The following ERC2 variants were observed in gnomAD, a reference collection of about 807,000 sequenced individuals.
ERC2 encodes ERC protein 2.
A neutral mutation model predicts 114.8 loss-of-function variants in ERC2; 42 were observed. The ratio of observed to expected loss-of-function variants is 0.37; its 90% CI spans 0.29 to 0.47. The LOEUF (loss-of-function observed/expected upper bound fraction) is 0.47. ERC2 is among the 20% of genes least tolerant of loss of function. The pLI is 0.99. For synonymous variants in ERC2, 454 were observed against 425.5 expected, an observed-to-expected ratio of 1.07 and a Z score of -0.82; for missense variants, 939 against 1,150.7, an observed-to-expected ratio of 0.82 and a Z score of 2.66.
intron 17 of ERC2, among the ~76,000 whole-genome samples, chr3:55,681,883 T>C (rs2062071925): frequency 1.3e-5 from 2 of 152,150 alleles, no homozygotes; most frequent in African/African-American, 4.8e-5. Flanking sequence ...CAGGGTGTCA[T>C]GAATCTTGTG....
chr3:55,624,488 G>A (rs1043488223), intron 17 of ERC2, among the ~76,000 whole-genome samples: 1 of 152,198 alleles, frequency 6.6e-6, no homozygotes, highest in East Asian at 1.9e-4. Flanking sequence ...CCAGACTGGT[G>A]CTGAGAGGAC....
intron 6 of ERC2, among the ~76,000 whole-genome samples, chr3:56,102,788 T>C (rs1417934195): frequency 6.6e-6 from 1 of 152,208 alleles, no homozygotes; most frequent in East Asian, 1.9e-4. Flanking sequence ...CCCACTGATG[T>C]TGATAAGTAG....
At chr3:55,806,212 G>A (rs575535743) in intron 14 of ERC2, among the ~76,000 whole-genome samples, 38 of 152,008 alleles carry the variant, frequency 2.5e-4, no homozygotes, top group Non-Finnish European at 4.4e-4. Flanking sequence ...GCATGTGCCT[G>A]TAATCCCAGC....
chr3:56,260,898 T>C (rs2150260592), intron 3 of ERC2, among the ~76,000 whole-genome samples: 1 of 152,314 alleles, frequency 6.6e-6, no homozygotes, highest in East Asian at 1.9e-4. Flanking sequence ...TCTCACAAAA[T>C]CTTTCTCTAA....
At chr3:56,115,883 C>CCA (rs764250271) in intron 6 of ERC2, among the ~76,000 whole-genome samples, 3 of 152,138 alleles carry the variant, frequency 2.0e-5, no homozygotes, top group Non-Finnish European at 4.4e-5. Context: ...ACACTGAAGG[C>CCA]CACCCTCCCC....
intron 14 of ERC2, among the ~76,000 whole-genome samples, chr3:55,754,533 T>C (rs1344553301): frequency 1.8e-5 from 1 of 54,616 alleles, no homozygotes; most frequent in Non-Finnish European, 5.6e-5. Flanking sequence ...TAGCAAAATG[T>C]CATTATAAAT....
intron 1 of ERC2, among the ~76,000 whole-genome samples, chr3:56,436,620 T>C (rs2062031717): frequency 6.6e-6 from 1 of 151,902 alleles, no homozygotes; most frequent in African/African-American, 2.4e-5. Flanking sequence ...GTGCAAGGGG[T>C]GAGAACATGA....
At chr3:55,822,424 T>A (rs1171186856) in intron 14 of ERC2, among the ~76,000 whole-genome samples, 1 of 152,184 alleles carries the variant, frequency 6.6e-6, no homozygotes, top group Non-Finnish European at 1.5e-5. Flanking sequence ...AATTAAATTA[T>A]CTTGTTTTAT....
chr3:55,640,864 C>A (rs947326268), intron 17 of ERC2, among the ~76,000 whole-genome samples: 9 of 152,130 alleles, frequency 5.9e-5, no homozygotes, highest in Non-Finnish European at 1.2e-4. Context: ...TTTGATTTTT[C>A]TTTTGGGGAC....
At chr3:56,033,245 A>C (rs894302734) in intron 7 of ERC2, among the ~76,000 whole-genome samples, 5 of 152,146 alleles carry the variant, frequency 3.3e-5, no homozygotes, top group African/African-American at 1.2e-4. Flanking sequence ...GGAAAAAAGA[A>C]AAATTAGCTG....
intron 6 of ERC2, among the ~76,000 whole-genome samples, chr3:56,087,479 G>A (rs1219140738): frequency 2.6e-5 from 4 of 151,934 alleles, no homozygotes; most frequent in East Asian, 1.9e-4. Flanking sequence ...TTTTATGTGC[G>A]CCTTCAGAAA....
At chr3:55,733,968 G>A (rs2065465004) in intron 15 of ERC2, among the ~76,000 whole-genome samples, 1 of 152,196 alleles carries the variant, frequency 6.6e-6, no homozygotes, top group South Asian at 2.1e-4. Flanking sequence ...TTCAATCATT[G>A]CTTACAAGAG....
intron 7 of ERC2, among the ~76,000 whole-genome samples, chr3:56,034,814 T>C (rs933434635): frequency 6.6e-6 from 1 of 151,940 alleles, no homozygotes; most frequent in Non-Finnish European, 1.5e-5. Flanking sequence ...GTAGGGGACA[T>C]GGCAAAAGCA....
intron 7 of ERC2, among the ~76,000 whole-genome samples, chr3:56,066,050 T>C (rs1396570947): frequency 6.6e-6 from 1 of 152,168 alleles, no homozygotes; most frequent in Non-Finnish European, 1.5e-5. Context: ...TTATATTCCT[T>C]TGGGTATATA....
At chr3:56,430,243 C>T (rs1559491708) in intron 2 of ERC2, among the ~76,000 whole-genome samples, 1 of 152,104 alleles carries the variant, frequency 6.6e-6, no homozygotes, top group Non-Finnish European at 1.5e-5. Context: ...ATCAAATGTC[C>T]CTTATCCCTT....
chr3:56,040,227 A>C (rs899625246), intron 7 of ERC2, among the ~76,000 whole-genome samples: 1 of 152,172 alleles, frequency 6.6e-6, no homozygotes, highest in Admixed American at 6.5e-5. Flanking sequence ...TTTTTCTTCA[A>C]CCATCACATA....
chr3:55,842,678 C>T (rs1337213425), intron 14 of ERC2, among the ~76,000 whole-genome samples: 1 of 151,654 alleles, frequency 6.6e-6, no homozygotes, highest in Non-Finnish European at 1.5e-5. Context: ...AGAACCATCC[C>T]ATTACCTCAG....
At chr3:55,640,087 C>T (rs924732408) in intron 17 of ERC2, among the ~76,000 whole-genome samples, 1 of 152,174 alleles carries the variant, frequency 6.6e-6, no homozygotes, top group Admixed American at 6.5e-5. Flanking sequence ...ACAATTCACA[C>T]GTCCTGTGGC....
In ERC2 at chr3:55,919,461, A is replaced by T. The variant is rs144626042; in HGVS notation, c.2404-30912T>A. Among the ~76,000 whole-genome samples the T allele has an allele frequency of 6.6e-5, 10 of 152,306 alleles. No individual in the cohort carries two copies. In the East Asian group the frequency reaches 1.4e-3, roughly 21 times the overall value. ...AAACAGAGCTACAGGTATCAATTGG[A>T]TAAACTTCAAAAACATACTATTAAG... On this transcript the variant is annotated intron_variant, in intron 13 of 17. Coordinates refer to ENST00000288221, the MANE Select transcript of ERC2 (RefSeq NM_015576.3).
Sources: allele counts gnomAD v4.1 joint callset (sites outside exome capture counted in the v4.1 genomes callset), GRCh38; gene constraint gnomAD v4.1.1; transcripts MANE v1.5; gene names NCBI Gene and HGNC (gene_info 2026-07-23, HGNC 2026-07-21).